The following CNTLN variants were observed in gnomAD, a reference collection of about 807,000 sequenced individuals.
CNTLN encodes centlein.
CNTLN carries 212 observed loss-of-function variants against 180.0 expected under a neutral mutation model. That is an observed-to-expected ratio of 1.18 (90% CI 1.05 to 1.32). The LOEUF (loss-of-function observed/expected upper bound fraction) is 1.32. CNTLN is among the 40% of genes most tolerant of loss of function. CNTLN has a pLI of 0.00. For missense variants in CNTLN, 2,095 were observed against 1,610.9 expected, an observed-to-expected ratio of 1.30 and a Z score of -5.14; for synonymous variants, 722 against 563.1, an observed-to-expected ratio of 1.28 and a Z score of -3.99.
At chr9:17,292,404 C>G (rs888061174) in intron 6 of CNTLN, among the ~76,000 whole-genome samples, 1 of 152,136 alleles carries the variant, frequency 6.6e-6, no homozygotes, top group Non-Finnish European at 1.5e-5. Flanking sequence ...TGTTTTCCAC[C>G]TTGGTTCTGT....
chr9:17,482,517 G>A (rs1166420119), intron 23 of CNTLN, among the ~76,000 whole-genome samples: 2 of 152,008 alleles, frequency 1.3e-5, no homozygotes, highest in Non-Finnish European at 2.9e-5. Context: ...AAATGTCAAC[G>A]TGCTCCAAAT....
chr9:17,236,231 C>T (rs993094128), intron 4 of CNTLN, among the ~76,000 whole-genome samples, 178 bp from the exon 5 acceptor site: 1 of 152,130 alleles, frequency 6.6e-6, no homozygotes, highest in African/African-American at 2.4e-5. Context: ...TATGACCCAT[C>T]CACCTGCATG....
At position 17,161,895 on chromosome 9, in the gene CNTLN, C is replaced by CT. The variant is rs145929901; in HGVS notation, c.449+18528dup. On this transcript the variant is annotated intron_variant, in intron 2 of 25. Coordinates refer to ENST00000380647, the MANE Select transcript of CNTLN (RefSeq NM_017738.4). ...AGCTATTAATCTGTTTCCTCCAGTCCTTTTTTTTTCATTACATTTGCTTCT... is the reference window on the plus strand; with the variant it reads ...AGCTATTAATCTGTTTCCTCCAGTCCTTTTTTTTTTCATTACATTTGCTTCT... Among the ~76,000 whole-genome samples, 1,085 of 150,842 alleles carry CT rather than the reference C, an allele frequency of 7.2e-3. 6 individuals carry two copies. Among genetic ancestry groups the CT allele is most frequent in the Non-Finnish European group, 8.4e-3 (568 of 67,638 alleles).
At chr9:17,325,556 T>TACACACACAC (rs142190202) in intron 8 of CNTLN, among the ~76,000 whole-genome samples, 1,589 of 147,604 alleles carry the variant, frequency 0.011, 33 homozygotes, top group African/African-American at 0.037. Flanking sequence ...CAGATTTTAT[T>TACACACACAC]ACACACACAC....
intron 2 of CNTLN, among the ~76,000 whole-genome samples, chr9:17,171,852 G>T (rs183659458): frequency 4.1e-4 from 63 of 152,110 alleles, no homozygotes; most frequent in African/African-American, 1.5e-3. Flanking sequence ...CCAGGACATT[G>T]TTACTCTCCC....
chr9:17,157,276 G>A (rs932723131), intron 2 of CNTLN, among the ~76,000 whole-genome samples: 33 of 152,110 alleles, frequency 2.2e-4, no homozygotes, highest in Admixed American at 6.5e-4. Context: ...CAATCAATAC[G>A]TACCAAATAT....
chr9:17,145,880 T>A (rs1818424790), intron 2 of CNTLN, among the ~76,000 whole-genome samples: 1 of 152,184 alleles, frequency 6.6e-6, no homozygotes, highest in African/African-American at 2.4e-5. Context: ...ACCGAAAATG[T>A]CTTTCTTTTG....
intron 2 of CNTLN, among the ~76,000 whole-genome samples, chr9:17,213,505 T>A (rs895464901): frequency 1.3e-5 from 2 of 152,196 alleles, no homozygotes; most frequent in Non-Finnish European, 2.9e-5. Context: ...ATAAGTGCGA[T>A]GTGGTGCTGA....
intron 7 of CNTLN, chr9:17,299,740 TTTATTAATACTTGTTAATTG>T (rs879296796): frequency 3.5e-5 from 34 of 982,778 alleles, no homozygotes; most frequent in Non-Finnish European, 4.1e-5. Context: ...AACACTGTAC[TTTATTAATACTTGTTAATTG>T]TTATTAATAC....
At chr9:17,390,372 G>A (rs1826018226) in intron 14 of CNTLN, among the ~76,000 whole-genome samples, 1 of 148,884 alleles carries the variant, frequency 6.7e-6, no homozygotes, top group Admixed American at 6.9e-5. Context: ...CCAAGTAACT[G>A]GGACTACAGG....
chr9:17,483,512 A>T (rs1014089806), intron 23 of CNTLN, among the ~76,000 whole-genome samples: 1 of 152,192 alleles, frequency 6.6e-6, no homozygotes, highest in African/African-American at 2.4e-5. Context: ...ATTTATTCTA[A>T]CATTGCTTGT....
At chr9:17,239,045 T>C (rs1825327367) in intron 5 of CNTLN, among the ~76,000 whole-genome samples, 1 of 152,168 alleles carries the variant, frequency 6.6e-6, no homozygotes, top group Admixed American at 6.5e-5. Context: ...TTTTTATTTG[T>C]TCGTTTGTTT....
chr9:17,461,784 TAAC>T (rs1372250004), intron 19 of CNTLN, among the ~76,000 whole-genome samples: 1 of 151,578 alleles, frequency 6.6e-6, no homozygotes, highest in Non-Finnish European at 1.5e-5. Flanking sequence ...CTTTAAAACT[TAAC>T]AAATGGATTA....
rs774758643 is a variant in CNTLN, at chr9:17,416,112, A to G, written c.3037A>G (p.Lys1013Glu). The G allele has an allele frequency of 8.1e-6, 13 of 1,613,680 alleles. No homozygotes were observed. The South Asian group carries it at 1.4e-4, about 18-fold the overall frequency. ...KTAELSVKEY[K>E]EVNEKLLHQQ... ...AGCAGAATTGTCTGTTAAAGAATAT[A>G]AAGAAGTTAATGAAAAGCTCCTCCA... Residue 1013 changes from lysine to glutamate, a missense_variant, in exon 18 of 26, where the codon AAA becomes GAA. Physicochemically the swap from Lys to Glu is moderately conservative, Grantham distance 56. Transcript: ENST00000380647.
At chr9:17,261,936 T>C (rs956720844) in intron 5 of CNTLN, among the ~76,000 whole-genome samples, 1 of 151,522 alleles carries the variant, frequency 6.6e-6, no homozygotes, top group East Asian at 1.9e-4. Context: ...ACACTTCTCC[T>C]TCAAAAGTGG....
At chr9:17,325,120 G>C (rs1202782883) in intron 8 of CNTLN, among the ~76,000 whole-genome samples, 1 of 150,176 alleles carries the variant, frequency 6.7e-6, no homozygotes, top group Non-Finnish European at 1.5e-5. Flanking sequence ...TTTTATTTGT[G>C]AATTTTTATT....
intron 6 of CNTLN, 154 bp downstream of exon 6, chr9:17,274,020 T>A: frequency 1.6e-6 from 1 of 616,760 alleles, no homozygotes; most frequent in Non-Finnish European, 2.5e-6. Flanking sequence ...TTATTTACAC[T>A]AACTTGAAAA....
At chr9:17,453,676 T>C (rs1458686204) in intron 18 of CNTLN, among the ~76,000 whole-genome samples, 1 of 152,226 alleles carries the variant, frequency 6.6e-6, no homozygotes, top group Non-Finnish European at 1.5e-5. Context: ...GCAATCAGTG[T>C]GTCAGCCAGG....
intron 2 of CNTLN, among the ~76,000 whole-genome samples, chr9:17,189,979 A>G (rs1821692854): frequency 6.6e-6 from 1 of 151,776 alleles, no homozygotes; most frequent in Non-Finnish European, 1.5e-5. Context: ...TGGACTGATT[A>G]ATACTCAGAA....
Sources: gnomAD v4.1 joint callset for allele counts (sites outside exome capture counted in the v4.1 genomes callset) on GRCh38, gnomAD v4.1.1 for gene constraint, MANE v1.5 for transcripts, NCBI Gene and HGNC (gene_info 2026-07-23, HGNC 2026-07-21) for gene names.